The following STARD13 variants were observed in gnomAD, a reference collection of about 807,000 sequenced individuals.
The protein encoded by STARD13 is StAR related lipid transfer domain containing 13, also known as stAR-related lipid transfer protein 13.
Under a neutral mutation model 106.4 loss-of-function variants are expected in STARD13, and 62 were observed. The observed-to-expected ratio is 0.58, with a 90% CI of 0.48 to 0.72. The LOEUF is 0.72. STARD13 is among the 30% of genes least tolerant of loss of function. The pLI is 0.00. For missense variants in STARD13, 1,387 were observed against 1,424.0 expected, an observed-to-expected ratio of 0.97 and a Z score of 0.42; for synonymous variants, 565 against 553.0, an observed-to-expected ratio of 1.02 and a Z score of -0.31.
At chr13:33,368,355 T>C in the STARD13 span, among the ~76,000 whole-genome samples, 8 of 152,150 alleles carry the variant, frequency 5.3e-5, no homozygotes, top group African/African-American at 1.9e-4. Flanking sequence ...ACTCAACAAA[T>C]ATTTGTTGGG....
chr13:33,358,250 C>A, the STARD13 span, among the ~76,000 whole-genome samples: 1 of 152,220 alleles, frequency 6.6e-6, no homozygotes, highest in African/African-American at 2.4e-5. Context: ...GCCCGCCATG[C>A]CTGAGCCTCC....
In STARD13 at chr13:33,165,324, T is replaced by C; in HGVS notation, c.323+13A>G. On this transcript the variant is annotated intron_variant, in intron 3 of 13. Coordinates refer to ENST00000336934, the MANE Select transcript of STARD13 (RefSeq NM_178006.4). The stretch of plus-strand genomic sequence containing the variant: ...AACAGTGGAAAGAAACAAAAATACT[T>C]CACATGGTTTACCTGCAAAGAGGTT... 6.2e-7 allele frequency: 1 copy of C among 1,600,500 alleles called. No homozygotes were observed. The highest frequency in any genetic ancestry group is 8.6e-7 in the Non-Finnish European group (1 of 1,167,708).
the STARD13 span, among the ~76,000 whole-genome samples, chr13:33,575,300 T>C: frequency 5.9e-5 from 9 of 152,316 alleles, no homozygotes; most frequent in African/African-American, 2.2e-4. Context: ...TTATCTAAAA[T>C]ATAATTGTCT....
the STARD13 span, among the ~76,000 whole-genome samples, chr13:33,555,630 G>A: frequency 2.0e-5 from 3 of 152,124 alleles, no homozygotes; most frequent in African/African-American, 7.2e-5. Flanking sequence ...AGAATGGATG[G>A]TGATCTAATG....
At position 33,130,002 on chromosome 13, in the gene STARD13, G is replaced by T; in HGVS notation, c.675C>A (p.Ala225=). ...CCTDNPVMLD[A]PLVSSSLPQP... ...GTGGGAGGCTGCTGCTGACGAGTGGGGCATCCAGCATGACCGGGTTGTCTG... is the reference window on the plus strand; with the variant it reads ...GTGGGAGGCTGCTGCTGACGAGTGGTGCATCCAGCATGACCGGGTTGTCTG... The change falls in exon 5 of 14, where the codon GCC becomes GCA. Residue 225 remains alanine (A), a synonymous_variant. Transcript: ENST00000336934. The surrounding 1 kb of genome is among the most constrained non-coding windows in gnomAD (Gnocchi z 4.1). The T allele has an allele frequency of 6.2e-7, 1 of 1,613,036 alleles. No individual in the cohort carries two copies. Among genetic ancestry groups the T allele is most frequent in the South Asian group, 1.1e-5 (1 of 91,008 alleles).
the STARD13 span, among the ~76,000 whole-genome samples, chr13:33,365,204 G>T: frequency 2.0e-5 from 3 of 152,122 alleles, no homozygotes; most frequent in African/African-American, 7.2e-5. Context: ...TGAAGGGAAT[G>T]GGGGAGTCTG....
At chr13:33,614,915 T>C in the STARD13 span, among the ~76,000 whole-genome samples, 4 of 152,074 alleles carry the variant, frequency 2.6e-5, no homozygotes, top group Admixed American at 2.0e-4. Flanking sequence ...GACCAACCAG[T>C]AGGATTTCAT....
chr13:33,601,219 T>A, the STARD13 span, among the ~76,000 whole-genome samples: 1 of 151,998 alleles, frequency 6.6e-6, no homozygotes, highest in African/African-American at 2.4e-5. Flanking sequence ...TTTTTGTTTT[T>A]TTTTTTTTCT....
At chr13:33,442,499 T>C in the STARD13 span, among the ~76,000 whole-genome samples, 611 of 152,304 alleles carry the variant, frequency 4.0e-3, 5 homozygotes, top group African/African-American at 0.012. Context: ...GTCCTAAATG[T>C]AGAATATTTA....
chr13:33,475,511 C>T, the STARD13 span, among the ~76,000 whole-genome samples: 1 of 152,296 alleles, frequency 6.6e-6, no homozygotes, highest in East Asian at 1.9e-4. Flanking sequence ...TACAATAAAG[C>T]ATACCAGCCA....
rs186032743 is a variant in STARD13, at chr13:33,105,057, C to G, written c.*536G>C. 1 of 152,916 alleles carries G rather than the reference C, an allele frequency of 6.5e-6. No individual in the cohort carries two copies. The highest frequency in any genetic ancestry group is 2.4e-5 in the African/African-American group (1 of 41,566). 9.5% of individuals were successfully genotyped at this position (152,916 alleles called of 1,614,324 possible). ...GTTAGGCATCAGGGCATGTTCACAC[C>G]TTGGTGTTAGCAGCAGGTTCTGCAC... On this transcript the variant is annotated 3_prime_UTR_variant, in exon 14 of 14. Transcript: ENST00000336934.
Position 33,129,040 on chromosome 13 carries a change from G to A in STARD13, c.1637C>T (p.Thr546Met), listed in dbSNP as rs201324553. The change falls in exon 5 of 14, where the codon ACG becomes ATG. Residue 546 changes from threonine to methionine, a missense_variant. Thr to Met is a moderately conservative substitution (Grantham distance 81). Transcript: ENST00000336934. ...FEGNSVSEGR[T>M]TPSDVERDVT... ...ATCTCTTTCCACATCACTGGGTGTC[G>A]TCCGACCTTCTGAGACAGAGTTACC... 4.9e-5 allele frequency: 79 copies of A among 1,613,912 alleles called. No homozygotes were observed. The highest frequency in any genetic ancestry group is 1.5e-4 in the Admixed American group (9 of 59,984).
In STARD13 at chr13:33,284,917, C is replaced by T. The variant is rs139582211; in HGVS notation, c.169+553G>A. On this transcript the variant is annotated intron_variant, in intron 1 of 13. Transcript: ENST00000336934. ...TGAGATGAACGAACACCTTAATTCT[C>T]TACCAGGAAAACAATATTAACACAT... is the stretch of plus-strand genomic sequence containing the variant. 1.5e-3 allele frequency among the ~76,000 whole-genome samples: 226 copies of T among 152,208 alleles called. 2 individuals carry two copies. Among genetic ancestry groups the T allele is most frequent in the African/African-American group, 5.3e-3 (218 of 41,522 alleles).
chr13:33,155,027 A>G (rs1374135380), intron 3 of STARD13, among the ~76,000 whole-genome samples: 2 of 150,884 alleles, frequency 1.3e-5, no homozygotes, highest in Non-Finnish European at 3.0e-5. Flanking sequence ...CCCGGCATCC[A>G]CTCTTAGTCC....
chr13:33,316,316 GTTTTGTGA>G (rs1893334808), intron 1 of STARD13, among the ~76,000 whole-genome samples: 1 of 152,100 alleles, frequency 6.6e-6, no homozygotes, highest in Non-Finnish European at 1.5e-5. Flanking sequence ...GACTCCTCCT[GTTTTGTGA>G]AGTGTTCCCA....
At position 33,256,140 on chromosome 13, in the gene STARD13, C is replaced by T. The variant is rs112747582; in HGVS notation, c.169+29330G>A. On this transcript the variant is annotated intron_variant, in intron 1 of 13. Transcript: ENST00000336934. ...CAAAATGAATTTTCAAATTTGGCTTCGTGGCGTCCCAAATTCTGAACATGC... is the reference window on the plus strand; with the variant it reads ...CAAAATGAATTTTCAAATTTGGCTTTGTGGCGTCCCAAATTCTGAACATGC... 3.3e-3 allele frequency among the ~76,000 whole-genome samples: 500 copies of T among 152,302 alleles called. 4 individuals are homozygous for T. Among genetic ancestry groups the T allele is most frequent in the African/African-American group, 0.011 (473 of 41,576 alleles).
At chr13:33,335,002 G>A (rs1422014401) in intron 1 of STARD13, 1 of 152,274 alleles carries the variant, frequency 6.6e-6, no homozygotes, top group African/African-American at 2.4e-5. Flanking sequence ...GCAGCTGACT[G>A]ACCTGGACAG....
chr13:33,638,471 A>G, the STARD13 span, among the ~76,000 whole-genome samples: 8 of 152,294 alleles, frequency 5.3e-5, no homozygotes, highest in Admixed American at 2.0e-4. Context: ...CTTATTGGCA[A>G]TTGGTTGAAA....
intron 1 of STARD13, among the ~76,000 whole-genome samples, chr13:33,171,103 T>C (rs570238163): frequency 6.6e-6 from 1 of 152,212 alleles, no homozygotes; most frequent in Non-Finnish European, 1.5e-5. Flanking sequence ...GAGAAAAGTG[T>C]GAAAAACTCT....
Sources: gnomAD v4.1 joint callset for allele counts (sites outside exome capture counted in the v4.1 genomes callset) on GRCh38, gnomAD v4.1.1 for gene constraint, Gnocchi (gnomAD v3.1) non-coding constraint, MANE v1.5 for transcripts, NCBI Gene and HGNC (gene_info 2026-07-23, HGNC 2026-07-21) for gene names.